OTUB2: variants seen among roughly 807,000 people sequenced by gnomAD.
The protein encoded by OTUB2 is OTU deubiquitinase, ubiquitin aldehyde binding 2.
Under a neutral mutation model 25.1 loss-of-function variants are expected in OTUB2, and 21 were observed. The ratio of observed to expected loss-of-function variants is 0.84; its 90% confidence interval spans 0.59 to 1.21. The LOEUF is 1.21. OTUB2 is among the 50% of genes most tolerant of loss of function. The pLI, the probability that OTUB2 is intolerant of heterozygous loss-of-function variation, is 0.00. For missense variants in OTUB2, 283 were observed against 298.0 expected, an observed-to-expected ratio of 0.95 and a Z score of 0.37; for synonymous variants, 122 against 122.8, an observed-to-expected ratio of 0.99 and a Z score of 0.04.
intron 3 of OTUB2, among the ~76,000 whole-genome samples, chr14:94,041,118 C>A (rs1194440157): frequency 6.6e-6 from 1 of 152,188 alleles, no homozygotes; most frequent in Non-Finnish European, 1.5e-5. Context: ...GTGGGCATGG[C>A]AAGAAGTGGG....
chr14:94,030,547 G>T (rs568899830), intron 1 of OTUB2, among the ~76,000 whole-genome samples: 1 of 151,952 alleles, frequency 6.6e-6, no homozygotes, highest in Non-Finnish European at 1.5e-5. Flanking sequence ...CCAGGTCAGG[G>T]TCTCTGCAAA....
At chr14:94,034,716 T>C (rs1324117353) in intron 1 of OTUB2, among the ~76,000 whole-genome samples, 1 of 152,194 alleles carries the variant, frequency 6.6e-6, no homozygotes, top group African/African-American at 2.4e-5. Flanking sequence ...ATCTTCCATG[T>C]GTTGACTTTC....
At chr14:94,044,851 C>G in intron 5 of OTUB2, 71 bp downstream of exon 5, 5 of 1,440,974 alleles carry the variant, frequency 3.5e-6, no homozygotes, top group Non-Finnish European at 4.6e-6. Flanking sequence ...ACTTCAGCAC[C>G]CATCCGTAGC....
chr14:94,026,493 T>G lies in OTUB2; in HGVS notation c.-45T>G. On this transcript the variant is annotated 5_prime_UTR_variant, in exon 1 of 6. Coordinates refer to ENST00000203664, the MANE Select transcript of OTUB2 (RefSeq NM_023112.4). ...CCTCCCGCGGCATTCCCGCACCGGA[T>G]CGCTCCTCGCTGGGGCGGGACCTGG... is the stretch of plus-strand genomic sequence containing the variant. 3 of 1,316,018 alleles carry G rather than the reference T, an allele frequency of 2.3e-6. No homozygotes were observed. Among genetic ancestry groups the G allele is most frequent in the Non-Finnish European group, 2.9e-6 (3 of 1,026,240 alleles). The allele number at this position is 1,316,018 out of a possible 1,614,324, so 81.5% of individuals were successfully genotyped here.
rs1885109073 is a variant in OTUB2 at position 94,038,982 on chromosome 14, C to A, written c.119C>A (p.Thr40Asn). 1 of 1,614,106 alleles carries A rather than the reference C, an allele frequency of 6.2e-7. No homozygotes were observed. The highest frequency in any genetic ancestry group is 1.3e-5 in the African/African-American group (1 of 74,944). ...RKIEELSKRF[T>N]AIRKTKGDGN... ...CCTCAGGAACTCAGCAAAAGGTTCA[C>A]CGCCATCCGCAAGACCAAAGGGGAT... The change falls in exon 3 of 6, where the codon ACC (threonine) becomes AAC (asparagine). Residue 40 changes from threonine (T) to asparagine (N), a missense_variant. By Grantham distance (65) the Thr-to-Asn change is moderately conservative. Transcript: ENST00000203664.
At chr14:94,042,944 A>C (rs1595368576) in intron 3 of OTUB2, among the ~76,000 whole-genome samples, 1 of 152,312 alleles carries the variant, frequency 6.6e-6, no homozygotes, top group Middle Eastern at 3.4e-3. Flanking sequence ...CACAGGCTCC[A>C]TCCCTCCAAT....
chr14:94,037,267 G>T (rs1885072336), intron 1 of OTUB2, 113 bp from the exon 2 acceptor site: 1 of 634,126 alleles, frequency 1.6e-6, no homozygotes, highest in Non-Finnish European at 2.8e-6. Context: ...GAGAAGGTGG[G>T]AAGGTCTCAT....
chr14:94,044,721 G>A lies in OTUB2; in HGVS notation c.439G>A (p.Ala147Thr). The change falls in exon 5 of 6, where the codon GCA becomes ACA. Residue 147 changes from alanine (A) to threonine (T), a missense_variant. Coordinates refer to ENST00000203664, the MANE Select transcript of OTUB2 (RefSeq NM_023112.4). ...LLTSAFIRNR[A>T]DFFRHFIDEE... Reference sequence around the variant, plus strand: ...CACGTCGGCCTTCATCAGGAACCGAGCAGACTTCTTCCGGCACTTCATTGA... The same window carrying A: ...CACGTCGGCCTTCATCAGGAACCGAACAGACTTCTTCCGGCACTTCATTGA... 1.9e-6 allele frequency: 3 copies of A among 1,613,966 alleles called. No individual in the cohort carries two copies. Among genetic ancestry groups the A allele is most frequent in the Non-Finnish European group, 2.5e-6 (3 of 1,180,032 alleles).
At chr14:94,035,229 T>G (rs1234825390) in intron 1 of OTUB2, among the ~76,000 whole-genome samples, 1 of 152,008 alleles carries the variant, frequency 6.6e-6, no homozygotes, top group African/African-American at 2.4e-5. Flanking sequence ...TTGCATGCCC[T>G]GTTTCTTCTT....
intron 5 of OTUB2, 41 bp from the exon 6 acceptor site, chr14:94,045,675 C>T (rs1180050314): frequency 6.3e-7 from 1 of 1,595,152 alleles, no homozygotes; most frequent in Non-Finnish European, 8.6e-7. Context: ...TCTGCCAGGC[C>T]TCCCTCCTAA....
At chr14:94,030,931 T>C (rs942282313) in intron 1 of OTUB2, among the ~76,000 whole-genome samples, 1 of 152,236 alleles carries the variant, frequency 6.6e-6, no homozygotes, top group Non-Finnish European at 1.5e-5. Context: ...GTCGCCATCT[T>C]GCTTTAGGCC....
intron 3 of OTUB2, among the ~76,000 whole-genome samples, chr14:94,042,218 G>A (rs1208615944): frequency 6.6e-6 from 1 of 152,256 alleles, no homozygotes; most frequent in African/African-American, 2.4e-5. Context: ...TGAGCAAACA[G>A]AGCCTCATAG....
At chr14:94,041,944 C>T (rs905551062) in intron 3 of OTUB2, among the ~76,000 whole-genome samples, 11 of 152,210 alleles carry the variant, frequency 7.2e-5, no homozygotes, top group Non-Finnish European at 1.3e-4. Flanking sequence ...TGGGGTGTTC[C>T]GTGCTAGCTC....
intron 3 of OTUB2, 98 bp downstream of exon 3, chr14:94,039,179 C>A: frequency 1.0e-6 from 1 of 952,550 alleles, no homozygotes. Flanking sequence ...GGCTGGTTAA[C>A]CCAGAGAATG....
At position 94,045,760 on chromosome 14, in the gene OTUB2, G is replaced by C. The variant is rs367781078; in HGVS notation, c.543G>C (p.Thr181=). Residue 181 remains threonine, a synonymous_variant, in exon 6 of 6, where the codon ACG becomes ACC. Transcript: ENST00000203664. The part of the protein sequence containing the change: ...MATECDHIQI[T]ALSQALSIAL... ...CGGAGTGTGACCACATCCAGATCAC[G>C]GCGTTGTCGCAGGCCCTGAGCATTG... 1.9e-6 allele frequency: 3 copies of C among 1,614,180 alleles called. No individual in the cohort carries two copies. Among genetic ancestry groups the C allele is most frequent in the African/African-American group, 2.7e-5 (2 of 75,048 alleles).
intron 3 of OTUB2, among the ~76,000 whole-genome samples, chr14:94,041,294 G>C (rs552099988): frequency 6.6e-6 from 1 of 152,226 alleles, no homozygotes; most frequent in East Asian, 1.9e-4. Context: ...TGTGTTTTGC[G>C]ATGCTGTCTG....
chr14:94,033,871 A>G (rs1186315303), intron 1 of OTUB2, among the ~76,000 whole-genome samples: 1 of 152,242 alleles, frequency 6.6e-6, no homozygotes, highest in Non-Finnish European at 1.5e-5. Flanking sequence ...GGCCAAATTA[A>G]TTGTACAACT....
At chr14:94,035,379 T>TC (rs1204960807) in intron 1 of OTUB2, among the ~76,000 whole-genome samples, 1 of 142,638 alleles carries the variant, frequency 7.0e-6, no homozygotes, top group East Asian at 2.3e-4. Flanking sequence ...AACCTCTGCC[T>TC]CCCCGGTTTA....
chr14:94,031,248 A>G (rs1884955806), intron 1 of OTUB2, among the ~76,000 whole-genome samples: 1 of 152,028 alleles, frequency 6.6e-6, no homozygotes, highest in South Asian at 2.1e-4. Flanking sequence ...GAAAAAAAAA[A>G]AAAAGAAAAA....
Sources: gnomAD v4.1 joint callset for allele counts (sites outside exome capture counted in the v4.1 genomes callset) on GRCh38, gnomAD v4.1.1 for gene constraint, MANE v1.5 for transcripts, NCBI Gene and HGNC (gene_info 2026-07-23, HGNC 2026-07-21) for gene names.